The following ADGB variants were observed in gnomAD, a reference collection of about 807,000 sequenced individuals.
The protein encoded by ADGB is calpain-7-like protein.
Under a neutral mutation model 210.5 loss-of-function variants are expected in ADGB, and 172 were observed. That is an observed-to-expected ratio of 0.82 (90% CI 0.72 to 0.93). ADGB has a LOEUF of 0.93. Among genes scored for constraint, ADGB ranks in the 40% least tolerant of loss-of-function variants. The pLI is 0.00. For missense variants in ADGB, 2,025 were observed against 1,964.8 expected (o/e 1.03, Z -0.58); for synonymous variants, 658 against 662.7 (o/e 0.99, Z 0.11).
At chr6:146,638,347 AC>A (rs1179701215) in intron 2 of ADGB, among the ~76,000 whole-genome samples, 1 of 151,954 alleles carries the variant, frequency 6.6e-6, no homozygotes, top group Non-Finnish European at 1.5e-5. Context: ...AAGACTTGGA[AC>A]CAACCCAAAT....
intron 27 of ADGB, among the ~76,000 whole-genome samples, chr6:146,756,169 G>A (rs1173732262): frequency 6.6e-6 from 1 of 152,044 alleles, no homozygotes; most frequent in East Asian, 1.9e-4. Context: ...TCCCAGTCCA[G>A]TGTTCTATCC....
chr6:146,785,547 A>G, intron 31 of ADGB, 63 bp from the exon 32 acceptor site: 2 of 1,290,658 alleles, frequency 1.5e-6, no homozygotes, highest in South Asian at 2.7e-5. Context: ...ATTAACATGT[A>G]TTACCTGTAC....
intron 27 of ADGB, among the ~76,000 whole-genome samples, chr6:146,762,016 T>C (rs117167536): frequency 0.014 from 2,170 of 152,206 alleles, 16 homozygotes; most frequent in South Asian, 0.026. Context: ...TCTGTCACCT[T>C]TAAGGACACC....
At chr6:146,806,694 T>A (rs997965045) in intron 35 of ADGB, among the ~76,000 whole-genome samples, 2 of 152,222 alleles carry the variant, frequency 1.3e-5, no homozygotes, top group African/African-American at 4.8e-5. Flanking sequence ...ATTCTTTGAT[T>A]ATATTACTTT....
At chr6:146,723,576 A>AAAAT (rs1776851815) in intron 17 of ADGB, among the ~76,000 whole-genome samples, 1 of 151,998 alleles carries the variant, frequency 6.6e-6, no homozygotes, top group Admixed American at 6.6e-5. Context: ...GTCTCTACTA[A>AAAAT]AAATACAAAA....
intron 1 of ADGB, among the ~76,000 whole-genome samples, chr6:146,625,470 G>A (rs1437707791): frequency 6.6e-6 from 1 of 152,006 alleles, no homozygotes; most frequent in African/African-American, 2.4e-5. Context: ...CATAGTTGGT[G>A]GTATGGTTTG....
chr6:146,727,288 A>G (rs1776909181), intron 19 of ADGB, among the ~76,000 whole-genome samples: 1 of 151,948 alleles, frequency 6.6e-6, no homozygotes, highest in Admixed American at 6.6e-5. Flanking sequence ...ACACTCATGC[A>G]TTCTTCCTTG....
At chr6:146,730,140 T>A (rs1776958258) in intron 20 of ADGB, among the ~76,000 whole-genome samples, 1 of 152,196 alleles carries the variant, frequency 6.6e-6, no homozygotes, top group Non-Finnish European at 1.5e-5. Context: ...ATTACTTACA[T>A]AATTACTTAT....
At chr6:146,717,736 C>G (rs1776755974) in intron 16 of ADGB, 137 bp downstream of exon 16, 1 of 448,216 alleles carries the variant, frequency 2.2e-6, no homozygotes, top group Non-Finnish European at 3.9e-6. Context: ...TTTAGAGTCT[C>G]TCACTAATCC....
intron 27 of ADGB, among the ~76,000 whole-genome samples, chr6:146,760,247 C>T (rs377319183): frequency 3.3e-5 from 5 of 151,928 alleles, no homozygotes; most frequent in African/African-American, 1.2e-4. Flanking sequence ...ATACTTCAGG[C>T]CATTTTCATT....
chr6:146,623,985 T>C (rs9390402), intron 1 of ADGB, among the ~76,000 whole-genome samples: 1,693 of 152,056 alleles, frequency 0.011, 87 homozygotes, highest in East Asian at 0.081. Context: ...TTGATCTGTC[T>C]AGATATTTTT....
Position 146,653,129 on chromosome 6 carries a change from G to C in ADGB, c.331-1006G>C, listed in dbSNP as rs777411225. ...CTGCGTGTGCATGTGAGGAATCTAG[G>C]TTGCATGCTCCTTATGAGAATCTAA... On this transcript the variant is annotated intron_variant, in intron 3 of 35. Transcript: ENST00000397944. Among the ~76,000 whole-genome samples the C allele has an allele frequency of 6.6e-5, 10 of 152,020 alleles. No individual in the cohort carries two copies. In the South Asian group the frequency reaches 1.9e-3, roughly 28 times the overall value.
Position 146,733,212 on chromosome 6 carries a change from G to T in ADGB, c.2613G>T (p.Leu871Phe). The change falls in exon 21 of 36, where the codon TTG becomes TTT. Residue 871 changes from leucine (L) to phenylalanine (F), a missense_variant. Physicochemically the swap from Leu to Phe is conservative, Grantham distance 22 (BLOSUM62 0). Transcript: ENST00000397944. The stretch of plus-strand genomic sequence containing the variant: ...AATTTGCATTCCGGGCTATGGTTTT[G>T]GACTTGGAGTTACTCAATTCCTCCT... ...NFKFAFRAMVLDLELLNSSLE... is the reference protein window; with the variant it reads ...NFKFAFRAMVFDLELLNSSLE... The T allele has an allele frequency of 6.5e-7, 1 of 1,540,556 alleles. No individual in the cohort carries two copies. The highest frequency in any genetic ancestry group is 8.8e-7 in the Non-Finnish European group (1 of 1,140,884).
chr6:146,647,141 A>AAAAAC (rs1422985656), intron 3 of ADGB, among the ~76,000 whole-genome samples: 1 of 151,408 alleles, frequency 6.6e-6, no homozygotes, highest in Non-Finnish European at 1.5e-5. Flanking sequence ...CAAAAACACA[A>AAAAAC]AAAACAAACA....
chr6:146,673,745 G>C (rs1387128526), intron 8 of ADGB, among the ~76,000 whole-genome samples: 1 of 152,132 alleles, frequency 6.6e-6, no homozygotes, highest in Non-Finnish European at 1.5e-5. Context: ...ATTTAGGAGA[G>C]ATCACAAAAT....
chr6:146,645,603 C>T (rs1775597978), intron 3 of ADGB, among the ~76,000 whole-genome samples: 1 of 152,040 alleles, frequency 6.6e-6, no homozygotes, highest in Middle Eastern at 3.4e-3. Context: ...TGTAATAAAG[C>T]TGATTGTTCT....
In ADGB at chr6:146,717,110, G is replaced by T. The variant is rs557072380; in HGVS notation, c.1928+41G>T. On this transcript the variant is annotated intron_variant, in intron 15 of 35. Transcript: ENST00000397944. ...GGATCAATCTGACTATGTCGTAGTG[G>T]TTAAACCCTGAGCTGCATTAGTATA... 102 of 1,471,176 alleles carry T rather than the reference G, an allele frequency of 6.9e-5. 1 individual carries two copies. In the East Asian group the frequency reaches 2.5e-3, roughly 37 times the overall value. 91.1% of individuals were successfully genotyped at this position (1,471,176 alleles called of 1,614,324 possible).
At chr6:146,648,716 A>T (rs1448874643) in intron 3 of ADGB, among the ~76,000 whole-genome samples, 1 of 152,066 alleles carries the variant, frequency 6.6e-6, no homozygotes, top group Non-Finnish European at 1.5e-5. Context: ...TTGGGTGGGG[A>T]CACAGACCCA....
At chr6:146,791,854 G>A (rs1777960578) in intron 33 of ADGB, among the ~76,000 whole-genome samples, 1 of 151,528 alleles carries the variant, frequency 6.6e-6, no homozygotes, top group Non-Finnish European at 1.5e-5. Flanking sequence ...AACCTCCTGG[G>A]CTCAAGCAGT....
Sources: gnomAD v4.1 joint callset for allele counts (sites outside exome capture counted in the v4.1 genomes callset) on GRCh38, gnomAD v4.1.1 for gene constraint, MANE v1.5 for transcripts, NCBI Gene and HGNC (gene_info 2026-07-23, HGNC 2026-07-21) for gene names.